Variants in OPCML observed in about 807,000 individuals in gnomAD.
OPCML encodes the protein opioid binding protein/cell adhesion molecule like.
OPCML carries 13 observed loss-of-function variants against 37.8 expected under a neutral mutation model. The ratio of observed to expected loss-of-function variants is 0.34; its 90% CI spans 0.22 to 0.55. The LOEUF is 0.55. Ranked by LOEUF, OPCML falls within the 20% of genes least tolerant of loss-of-function variation. The pLI is 0.91. For synonymous variants in OPCML, 176 were observed against 168.8 expected (o/e 1.04, Z -0.33); for missense variants, 341 against 435.6 (o/e 0.78, Z 1.93).
chr11:133,125,585 G>GTA (rs200276318), intron 1 of OPCML, among the ~76,000 whole-genome samples: 2,210 of 145,054 alleles, frequency 0.015, 65 homozygotes, highest in African/African-American at 0.052. Flanking sequence ...ATAGACACAT[G>GTA]TATATATATA....
At chr11:132,549,216 A>G (rs2096375878) in intron 3 of OPCML, among the ~76,000 whole-genome samples, 1 of 152,174 alleles carries the variant, frequency 6.6e-6, no homozygotes, top group African/African-American at 2.4e-5. Flanking sequence ...CTCATTATAC[A>G]CTAATTATAA....
At chr11:132,645,197 C>G (rs1941081981) in intron 3 of OPCML, among the ~76,000 whole-genome samples, 1 of 152,198 alleles carries the variant, frequency 6.6e-6, no homozygotes, top group Non-Finnish European at 1.5e-5. Context: ...TTTAAGGTTT[C>G]ACTAAGAACT....
At chr11:132,614,698 A>G (rs908114480) in intron 3 of OPCML, among the ~76,000 whole-genome samples, 4 of 152,244 alleles carry the variant, frequency 2.6e-5, no homozygotes, top group African/African-American at 9.6e-5. Context: ...AATTCAATCT[A>G]TATTCACAGG....
At chr11:132,756,235 G>A (rs998097954) in intron 2 of OPCML, among the ~76,000 whole-genome samples, 1 of 152,060 alleles carries the variant, frequency 6.6e-6, no homozygotes, top group Non-Finnish European at 1.5e-5. Flanking sequence ...TGAAATACTC[G>A]GATGCTAGTG....
At chr11:133,028,147 T>A (rs1006818018) in intron 1 of OPCML, among the ~76,000 whole-genome samples, 4 of 152,096 alleles carry the variant, frequency 2.6e-5, no homozygotes, top group African/African-American at 9.7e-5. Flanking sequence ...TCTTTTTATT[T>A]TCTGCCACTT....
intron 1 of OPCML, among the ~76,000 whole-genome samples, chr11:133,207,982 C>A (rs1939176585): frequency 6.6e-6 from 1 of 152,154 alleles, no homozygotes; most frequent in Non-Finnish European, 1.5e-5. Flanking sequence ...CTTTACCCAT[C>A]TACTTAGCAC....
At chr11:133,148,367 C>A (rs1949927415) in intron 1 of OPCML, among the ~76,000 whole-genome samples, 1 of 152,208 alleles carries the variant, frequency 6.6e-6, no homozygotes, top group African/African-American at 2.4e-5. Context: ...AGGGAACGTG[C>A]AATCCATGCA....
In OPCML at chr11:133,361,649, C is replaced by CCCGGGGCACCTGCAGCTATT. The variant is rs1565592959; in HGVS notation, c.61+170614_61+170615insAATAGCTGCAGGTGCCCCGG. ...GCTATTCCGGGGCACCTGCAGCTAT[C>CCCGGGGCACCTGCAGCTATT]CCGGGGCGCCTGCAGCTACTCCGGG... On this transcript the variant is annotated intron_variant, in intron 1 of 7. Coordinates refer to ENST00000524381, the MANE Select transcript of OPCML (RefSeq NM_001012393.5). The CCCGGGGCACCTGCAGCTATT allele has an allele frequency of 9.5e-4, 152 of 159,886 alleles. 4 individuals carry two copies. The highest frequency in any genetic ancestry group is 3.7e-3 in the African/African-American group (152 of 40,914). The allele number at this position is 159,886 out of a possible 1,614,324, so 9.9% of individuals were successfully genotyped here.
intron 1 of OPCML, among the ~76,000 whole-genome samples, chr11:133,350,356 T>C (rs1465628892): frequency 6.6e-6 from 1 of 152,182 alleles, no homozygotes; most frequent in African/African-American, 2.4e-5. Flanking sequence ...ACCATGTATT[T>C]CAAGAAATTG....
At chr11:133,412,846 T>G (rs1945678964) in intron 1 of OPCML, among the ~76,000 whole-genome samples, 1 of 152,188 alleles carries the variant, frequency 6.6e-6, no homozygotes, top group African/African-American at 2.4e-5. Flanking sequence ...GACACACTAT[T>G]CTAAAATTAG....
At chr11:133,037,086 C>G (rs1178517432) in intron 1 of OPCML, among the ~76,000 whole-genome samples, 1 of 152,154 alleles carries the variant, frequency 6.6e-6, no homozygotes, top group African/African-American at 2.4e-5. Flanking sequence ...ACAAACCAGG[C>G]TATCCAGTCC....
intron 2 of OPCML, among the ~76,000 whole-genome samples, chr11:132,756,596 T>C (rs1357568889): frequency 6.6e-6 from 1 of 152,140 alleles, no homozygotes; most frequent in Non-Finnish European, 1.5e-5. Flanking sequence ...TAATATTGTG[T>C]TTGGTAGCAT....
chr11:132,989,450 A>G (rs534343141), intron 1 of OPCML, among the ~76,000 whole-genome samples: 12 of 152,364 alleles, frequency 7.9e-5, no homozygotes, highest in African/African-American at 2.9e-4. Flanking sequence ...GAATAATTTT[A>G]GAGACTCATA....
intron 1 of OPCML, among the ~76,000 whole-genome samples, chr11:133,377,535 G>C (rs1347622187): frequency 3.5e-5 from 5 of 144,552 alleles, no homozygotes; most frequent in African/African-American, 1.3e-4. Context: ...AGCAGCTGTG[G>C]GTGGCCCCAA....
At chr11:133,008,772 T>G (rs1947160302) in intron 1 of OPCML, 3 of 488,040 alleles carry the variant, frequency 6.1e-6, no homozygotes, top group Non-Finnish European at 8.0e-6. Flanking sequence ...TTCAGCCAAT[T>G]CTGATCCACT....
intron 1 of OPCML, among the ~76,000 whole-genome samples, chr11:132,951,492 A>G (rs966156039): frequency 2.6e-5 from 4 of 152,224 alleles, no homozygotes; most frequent in East Asian, 1.9e-4. Context: ...TAAAAGCCCT[A>G]TCTCTAAGTA....
chr11:132,902,873 A>T (rs941197357), intron 2 of OPCML, among the ~76,000 whole-genome samples: 13 of 152,136 alleles, frequency 8.5e-5, no homozygotes, highest in Admixed American at 5.9e-4. Context: ...ATCTATTCTC[A>T]TAAAGGCAAC....
chr11:133,217,198 A>T, intron 1 of OPCML, among the ~76,000 whole-genome samples: 1 of 152,134 alleles, frequency 6.6e-6, no homozygotes, highest in Non-Finnish European at 1.5e-5. Flanking sequence ...TTTCTGGTCA[A>T]CCTTCAGAAG....
intron 2 of OPCML, among the ~76,000 whole-genome samples, chr11:132,663,894 G>T (rs1942099748): frequency 6.6e-6 from 1 of 152,070 alleles, no homozygotes; most frequent in African/African-American, 2.4e-5. Context: ...GTGCAGTGAC[G>T]CGATCTCGGC....
Sources: gnomAD v4.1 joint callset for allele counts (sites outside exome capture counted in the v4.1 genomes callset) on GRCh38, gnomAD v4.1.1 for gene constraint, MANE v1.5 for transcripts, NCBI Gene and HGNC (gene_info 2026-07-23, HGNC 2026-07-21) for gene names.